The following CYLD variants were observed in gnomAD, a reference collection of about 807,000 sequenced individuals.
CYLD encodes the protein ubiquitin carboxyl-terminal hydrolase CYLD.
Under a neutral mutation model 104.5 loss-of-function variants are expected in CYLD, and 26 were observed. The ratio of observed to expected loss-of-function variants is 0.25; its 90% CI spans 0.18 to 0.35. CYLD has a LOEUF of 0.35. Ranked by LOEUF, CYLD falls within the 10% of genes least tolerant of loss-of-function variation. The probability of loss-of-function intolerance (pLI) is 1.00; values close to 1 mark genes in which losing one functional copy is unlikely to be tolerated. For missense variants in CYLD, 703 were observed against 1,136.1 expected (o/e 0.62, Z 5.48); for synonymous variants, 385 against 399.9 (o/e 0.96, Z 0.45).
intron 5 of CYLD, among the ~76,000 whole-genome samples, chr16:50,774,663 G>A (rs957876149): frequency 6.6e-6 from 1 of 152,202 alleles, no homozygotes. Flanking sequence ...GCTGGACGGG[G>A]ATGGGTTACG....
chr16:50,743,481 G>A (rs1368909915), intron 2 of CYLD, among the ~76,000 whole-genome samples: 3 of 152,100 alleles, frequency 2.0e-5, no homozygotes, highest in Non-Finnish European at 4.4e-5. Context: ...CCTTCCTCTG[G>A]GTGGTAACTT....
At chr16:50,765,446 C>T (rs986476670) in intron 5 of CYLD, among the ~76,000 whole-genome samples, 1 of 152,204 alleles carries the variant, frequency 6.6e-6, no homozygotes, top group Non-Finnish European at 1.5e-5. Context: ...GTCTCTCTCA[C>T]TCCTTGGGCC....
In CYLD at chr16:50,794,583, C is replaced by T. The variant is rs866123069; in HGVS notation, c.2686+155C>T. ...AGTCTTATATCTTGGATTGCATTAA[C>T]AACCTTGCTAGCTGAACTAAGGAAT... On this transcript the variant is annotated intron_variant, in intron 18 of 18. Coordinates refer to ENST00000427738, the MANE Select transcript of CYLD (RefSeq NM_001378743.1). This position sits in a 1 kb window ranked among gnomAD's most constrained non-coding sequence, Gnocchi z 4.1. The T allele has an allele frequency of 5.2e-6, 4 of 765,752 alleles. No homozygotes were observed. The highest frequency in any genetic ancestry group is 4.6e-6 in the Non-Finnish European group (2 of 437,858). The allele number at this position is 765,752 out of a possible 1,614,324, so 47.4% of individuals were successfully genotyped here.
chr16:50,775,874 T>A (rs899408265), intron 6 of CYLD, among the ~76,000 whole-genome samples: 2 of 152,190 alleles, frequency 1.3e-5, no homozygotes, highest in African/African-American at 4.8e-5. Context: ...TTCTTTGTAG[T>A]GTTTTAAGAG....
At chr16:50,755,084 CACATATATACAT>C (rs1238883135) in intron 5 of CYLD, among the ~76,000 whole-genome samples, 1 of 91,172 alleles carries the variant, frequency 1.1e-5, no homozygotes, top group East Asian at 2.3e-4. Flanking sequence ...TACATATACA[CACATATATACAT>C]ACATATATAC....
intron 5 of CYLD, among the ~76,000 whole-genome samples, chr16:50,769,972 A>G (rs1297076589): frequency 6.6e-6 from 1 of 152,202 alleles, no homozygotes; most frequent in Non-Finnish European, 1.5e-5. Flanking sequence ...ATTATTTTAT[A>G]TATATCCATG....
chr16:50,750,115 A>C lies in CYLD; in HGVS notation c.417A>C (p.Glu139Asp). The change falls in exon 3 of 19, where the codon GAA (glutamate) becomes GAC (aspartate). Residue 139 changes from glutamate to aspartate, a missense_variant. By Grantham distance (45) the Glu-to-Asp change is conservative (BLOSUM62 2). Coordinates refer to ENST00000427738, the MANE Select transcript of CYLD (RefSeq NM_001378743.1). ...TGAAAGTACAGCTGAGATCTGGGGA[A>C]GAAAAATTTCCTGGAGTTGTACGCT... ...CPVKVQLRSG[E>D]EKFPGVVRFR... 1 of 1,614,162 alleles carries C rather than the reference A, an allele frequency of 6.2e-7. No homozygotes were observed. Among genetic ancestry groups the C allele is most frequent in the South Asian group, 1.1e-5 (1 of 91,082 alleles).
At chr16:50,793,515 C>T (rs2151035473) in intron 16 of CYLD, 31 bp from the exon 17 acceptor site, 2 of 1,438,344 alleles carry the variant, frequency 1.4e-6, no homozygotes, top group Non-Finnish European at 9.8e-7. Flanking sequence ...TTAAAGTCCT[C>T]TTAACTTCCC....
At position 50,754,980 on chromosome 16, in the gene CYLD, CAT is replaced by C. The variant is rs1169664176; in HGVS notation, c.913+562_913+563del. Among the ~76,000 whole-genome samples the C allele has an allele frequency of 1.2e-4, 14 of 112,486 alleles. 1 individual carries two copies. Among genetic ancestry groups the C allele is most frequent in the African/African-American group, 1.8e-4 (5 of 27,220 alleles). The allele number at this position is 112,486 out of a possible 152,430, so 73.8% of individuals were successfully genotyped here. A position where few individuals can be genotyped will look rare whatever the true frequency, so the allele number is the denominator to read the frequency against. ...ATACATATACACACATATATGTATA[CAT>C]ATATACATATATATGTATATATACA... is the stretch of plus-strand genomic sequence containing the variant. On this transcript the variant is annotated intron_variant, in intron 5 of 18. Coordinates refer to ENST00000427738, the MANE Select transcript of CYLD (RefSeq NM_001378743.1).
chr16:50,776,774 A>G (rs943237239), intron 7 of CYLD, among the ~76,000 whole-genome samples: 4 of 152,176 alleles, frequency 2.6e-5, no homozygotes, highest in Non-Finnish European at 1.5e-5. Context: ...CACATACTTC[A>G]TAGATTTATA....
At position 50,746,538 on chromosome 16, in the gene CYLD, T is replaced by C. The variant is rs968712717; in HGVS notation, c.-123-3038T>C. 1.1e-4 allele frequency among the ~76,000 whole-genome samples: 17 copies of C among 152,352 alleles called. No homozygotes were observed. In the South Asian group the frequency reaches 1.2e-3, roughly 11 times the overall value. ...TTTTGGATAATGCTTTTGAAATATT[T>C]GATAACTTGTGCTTGACTATTTTAG... On this transcript the variant is annotated intron_variant, in intron 2 of 18. Transcript: ENST00000427738.
chr16:50,755,154 T>C (rs1967032600), intron 5 of CYLD, among the ~76,000 whole-genome samples: 1 of 135,174 alleles, frequency 7.4e-6, no homozygotes, highest in Admixed American at 7.2e-5. Context: ...TATGTGTGTA[T>C]ATACACACGT....
intron 3 of CYLD, among the ~76,000 whole-genome samples, chr16:50,751,354 T>G (rs1434738760): frequency 6.6e-6 from 1 of 152,242 alleles, no homozygotes; most frequent in African/African-American, 2.4e-5. Context: ...CAACGTGGAA[T>G]TCAGCCTAGC....
At chr16:50,749,549 G>A (rs1402310278) in intron 2 of CYLD, 27 bp from the exon 3 acceptor site, 29 of 731,308 alleles carry the variant, frequency 4.0e-5, no homozygotes, top group East Asian at 8.1e-5. Flanking sequence ...TTTTCACTAG[G>A]CATTTTGATT....
intron 5 of CYLD, among the ~76,000 whole-genome samples, chr16:50,755,566 C>T (rs1967131721): frequency 6.6e-6 from 1 of 152,076 alleles, no homozygotes; most frequent in South Asian, 2.1e-4. Flanking sequence ...TGATTATGGC[C>T]ATTCTTGCAA....
intron 8 of CYLD, among the ~76,000 whole-genome samples, chr16:50,779,419 C>T (rs1315357982): frequency 6.6e-6 from 1 of 152,074 alleles, no homozygotes; most frequent in African/African-American, 2.4e-5. Context: ...GTATACGATA[C>T]CCGCTGATAA....
intron 8 of CYLD, among the ~76,000 whole-genome samples, chr16:50,778,966 G>A (rs1262085317): frequency 1.3e-5 from 2 of 152,180 alleles, no homozygotes; most frequent in African/African-American, 4.8e-5. Flanking sequence ...TAAGAAAATA[G>A]CTTTTGGCTG....
chr16:50,749,109 G>A (rs1232247038), intron 2 of CYLD, among the ~76,000 whole-genome samples: 1 of 152,170 alleles, frequency 6.6e-6, no homozygotes, highest in Non-Finnish European at 1.5e-5. Flanking sequence ...GGCTGAGGTA[G>A]GAGGATCACT....
chr16:50,772,831 C>A (rs1467177100), intron 5 of CYLD, among the ~76,000 whole-genome samples: 2 of 152,186 alleles, frequency 1.3e-5, no homozygotes, highest in African/African-American at 2.4e-5. Flanking sequence ...ACTCCTGGTC[C>A]TATGAGACAG....
Sources: allele counts gnomAD v4.1 joint callset (sites outside exome capture counted in the v4.1 genomes callset), GRCh38; gene constraint gnomAD v4.1.1; non-coding constraint Gnocchi (gnomAD v3.1); transcripts MANE v1.5; gene names NCBI Gene and HGNC (gene_info 2026-07-23, HGNC 2026-07-21).